The following HORMAD1 variants were observed in gnomAD, a reference collection of about 807,000 sequenced individuals.
The protein encoded by HORMAD1 is HORMA domain-containing protein 1.
In HORMAD1, 33 loss-of-function variants were observed where a neutral mutation model predicts 58.2. The observed-to-expected ratio is 0.57, with a 90% confidence interval of 0.43 to 0.76. The LOEUF (loss-of-function observed/expected upper bound fraction) is 0.76. Ranked by LOEUF, HORMAD1 falls within the 30% of genes least tolerant of loss-of-function variation. HORMAD1 has a pLI of 0.00. For synonymous variants in HORMAD1, 137 were observed against 144.6 expected (o/e 0.95, Z 0.38); for missense variants, 363 against 462.0 (o/e 0.79, Z 1.96).
At chr1:150,705,997 T>C (rs1651680743) in intron 10 of HORMAD1, among the ~76,000 whole-genome samples, 1 of 152,228 alleles carries the variant, frequency 6.6e-6, no homozygotes, top group African/African-American at 2.4e-5. Flanking sequence ...TATACTTCTA[T>C]TCATCCATTC....
At chr1:150,711,102 T>G (rs1220262233) in intron 7 of HORMAD1, among the ~76,000 whole-genome samples, 1 of 152,214 alleles carries the variant, frequency 6.6e-6, no homozygotes, top group Non-Finnish European at 1.5e-5. Flanking sequence ...TCTTATCTTC[T>G]GGTTTTCCCT....
At chr1:150,710,776 T>A (rs1651852122) in intron 7 of HORMAD1, among the ~76,000 whole-genome samples, 1 of 152,232 alleles carries the variant, frequency 6.6e-6, no homozygotes, top group South Asian at 2.1e-4. Context: ...TTTTTAAACG[T>A]CTATTTTTAA....
Position 150,706,688 on chromosome 1 carries a change from T to C in HORMAD1, c.669A>G (p.Lys223=). 1.2e-6 allele frequency: 2 copies of C among 1,613,936 alleles called. No homozygotes were observed. The highest frequency in any genetic ancestry group is 1.7e-6 in the Non-Finnish European group (2 of 1,179,908). ...GTTCTCTCTCAGTGGTCACTTTTAC[T>C]TTGAAGATGTGAAAAGGTGTTGAGA... ...GEVSTPFHIF[K]VKVTTERERM... The change falls in exon 10 of 15, where the codon AAA becomes AAG. Residue 223 remains lysine (K), a synonymous_variant. Coordinates refer to ENST00000361824, the MANE Select transcript of HORMAD1 (RefSeq NM_032132.5).
At chr1:150,720,570 A>C (rs1652220256) in intron 1 of HORMAD1, among the ~76,000 whole-genome samples, 3 of 152,156 alleles carry the variant, frequency 2.0e-5, no homozygotes, top group Admixed American at 2.0e-4. Context: ...TCATAGAAGA[A>C]CCTATTTACG....
chr1:150,717,163 G>A lies in HORMAD1; in HGVS notation c.153C>T (p.Cys51=), dbSNP rs780941583. 6.5e-5 allele frequency: 103 copies of A among 1,575,556 alleles called. 1 individual carries two copies. In the South Asian group the frequency reaches 1.1e-3, roughly 16 times the overall value. ...ITYLRGIFPE[C]AYGTRYLDDL... Reference sequence around the variant, plus strand: ...CATCTAGATATCTTGTTCCATAAGCGCATTCTGGGAATATTCCCCTCAAAT... The same window carrying A: ...CATCTAGATATCTTGTTCCATAAGCACATTCTGGGAATATTCCCCTCAAAT... The change falls in exon 3 of 15, where the codon TGC becomes TGT. Residue 51 remains cysteine, a synonymous_variant. Transcript: ENST00000361824.
At chr1:150,708,522 T>C in intron 8 of HORMAD1, 115 bp from the exon 9 acceptor site, 1 of 600,422 alleles carries the variant, frequency 1.7e-6, no homozygotes, top group Non-Finnish European at 2.7e-6. Flanking sequence ...AGCTGTTAAC[T>C]TGAAAGTTAC....
chr1:150,704,780 C>T (rs151160088), intron 10 of HORMAD1, among the ~76,000 whole-genome samples: 1,972 of 152,238 alleles, frequency 0.013, 18 homozygotes, highest in Middle Eastern at 0.02. Context: ...CAATGGCTTA[C>T]GCCTGTGTTC....
Position 150,714,631 on chromosome 1 carries a change from T to C in HORMAD1, c.226A>G (p.Thr76Ala), listed in dbSNP as rs1652013368. ...TTTACTTGCCATTTCACTAACTGTG[T>C]AGATCCTGGGCAATTTTTATCTTCT... is the stretch of plus-strand genomic sequence containing the variant. ...LREDKNCPGS[T>A]QLVKWMLGCY... Residue 76 changes from threonine (T) to alanine (A), a missense_variant, in exon 4 of 15, where the codon ACA becomes GCA. Thr to Ala is a moderately conservative substitution (Grantham distance 58). Transcript: ENST00000361824. The C allele has an allele frequency of 6.6e-7, 1 of 1,518,976 alleles. No individual in the cohort carries two copies. Among genetic ancestry groups the C allele is most frequent in the Non-Finnish European group, 9.0e-7 (1 of 1,112,230 alleles). 94.1% of individuals were successfully genotyped at this position (1,518,976 alleles called of 1,614,324 possible).
chr1:150,716,835 C>T (rs1309814690), intron 3 of HORMAD1, among the ~76,000 whole-genome samples: 1 of 151,176 alleles, frequency 6.6e-6, no homozygotes, highest in Non-Finnish European at 1.5e-5. Flanking sequence ...TGGTGGCGGG[C>T]GCCTGTAGTC....
intron 12 of HORMAD1, 69 bp downstream of exon 12, chr1:150,704,048 TA>T: frequency 1.0e-6 from 1 of 972,942 alleles, no homozygotes; most frequent in Non-Finnish European, 1.5e-6. Context: ...ATCTGAAAAA[TA>T]AAAAATTAGC....
intron 14 of HORMAD1, among the ~76,000 whole-genome samples, chr1:150,699,412 A>T (rs1419620723): frequency 6.6e-6 from 1 of 152,206 alleles, no homozygotes; most frequent in African/African-American, 2.4e-5. Flanking sequence ...TTTGATCTCT[A>T]GAAAGCTCAG....
At position 150,708,400 on chromosome 1, in the gene HORMAD1, G is replaced by A; in HGVS notation, c.403C>T (p.Gln135Ter). ...GPLMDFISKN[Q>*]SNESSMLSTD... is the part of the protein sequence containing the mutation. ...GACAACATGCTAGATTCGTTGCTTT[G>A]GTTTTTACTAGAAGAGAATCACATA... The change falls in exon 9 of 15, where the codon CAA becomes TAA. Residue 135 changes from glutamine (Q) to a stop codon, truncating the protein, a stop_gained. Transcript: ENST00000361824. LOFTEE classifies it high-confidence loss of function. 6.3e-7 allele frequency: 1 copy of A among 1,583,964 alleles called. No individual in the cohort carries two copies. Among genetic ancestry groups the A allele is most frequent in the Non-Finnish European group, 8.6e-7 (1 of 1,165,452 alleles).
intron 8 of HORMAD1, 83 bp downstream of exon 8, chr1:150,708,811 A>G: frequency 1.3e-6 from 1 of 742,106 alleles, no homozygotes; most frequent in Non-Finnish European, 2.3e-6. Context: ...GCAGTTTCAG[A>G]ATGAATCCTG....
In HORMAD1 at chr1:150,708,813, T is replaced by C. The variant is rs587767427; in HGVS notation, c.395+81A>G. On this transcript the variant is annotated intron_variant, in intron 8 of 14. Coordinates refer to ENST00000361824, the MANE Select transcript of HORMAD1 (RefSeq NM_032132.5). ...TGGGGATGTCCCCGCAGTTTCAGAA[T>C]GAATCCTGAGGTTTAGCTATATAGC... is the stretch of plus-strand genomic sequence containing the variant. The C allele has an allele frequency of 2.3e-5, 17 of 751,536 alleles. No individual in the cohort carries two copies. The South Asian group carries it at 2.9e-4, about 13-fold the overall frequency. 46.6% of individuals were successfully genotyped at this position (751,536 alleles called of 1,614,324 possible).
At position 150,699,810 on chromosome 1, in the gene HORMAD1, G is replaced by A. The variant is rs587683464; in HGVS notation, c.1104+302C>T. Among the ~76,000 whole-genome samples the A allele has an allele frequency of 3.9e-5, 6 of 151,934 alleles. No homozygotes were observed. The South Asian group carries it at 1.3e-3, about 32-fold the overall frequency. On this transcript the variant is annotated intron_variant, in intron 14 of 14. Transcript: ENST00000361824. ...GTCTCCCAAAGTGCTGGGATTACAGGCATGAGCCACTGCACCCAGCTGATT... is the reference window on the plus strand; with the variant it reads ...GTCTCCCAAAGTGCTGGGATTACAGACATGAGCCACTGCACCCAGCTGATT...
At chr1:150,705,357 C>G (rs1398641391) in intron 10 of HORMAD1, among the ~76,000 whole-genome samples, 1 of 151,584 alleles carries the variant, frequency 6.6e-6, no homozygotes, top group Non-Finnish European at 1.5e-5. Flanking sequence ...GAAACCCTGT[C>G]TCTACTAAAA....
intron 7 of HORMAD1, 162 bp from the exon 8 acceptor site, chr1:150,709,123 T>A (rs1651781392): frequency 1.7e-6 from 1 of 600,980 alleles, no homozygotes. Flanking sequence ...TCAGTTTTCA[T>A]GGTTTGGGTT....
intron 13 of HORMAD1, among the ~76,000 whole-genome samples, chr1:150,701,609 CTATT>C (rs770589829): frequency 2.6e-5 from 4 of 152,118 alleles, no homozygotes; most frequent in Non-Finnish European, 5.9e-5. Flanking sequence ...ACAGAGTGAG[CTATT>C]TATTTCCTAA....
At chr1:150,718,622 A>C (rs2101892904) in intron 2 of HORMAD1, among the ~76,000 whole-genome samples, 1 of 152,182 alleles carries the variant, frequency 6.6e-6, no homozygotes, top group South Asian at 2.1e-4. Flanking sequence ...TCTCGGTTAC[A>C]AACATTCATT....
Sources: allele counts gnomAD v4.1 joint callset (sites outside exome capture counted in the v4.1 genomes callset), GRCh38; gene constraint gnomAD v4.1.1; transcripts MANE v1.5; gene names NCBI Gene and HGNC (gene_info 2026-07-23, HGNC 2026-07-21).